Variants in FAM193A observed in about 807,000 individuals in gnomAD.
FAM193A encodes the protein protein FAM193A.
In FAM193A, 22 loss-of-function variants were observed where a neutral mutation model predicts 126.5. The observed-to-expected ratio is 0.17, with a 90% CI of 0.12 to 0.25. FAM193A has a LOEUF of 0.25. FAM193A is among the 10% of genes least tolerant of loss of function. The pLI is 1.00. For missense variants in FAM193A, 1,675 were observed against 1,672.8 expected, an observed-to-expected ratio of 1.00 and a Z score of -0.02; for synonymous variants, 761 against 646.8, an observed-to-expected ratio of 1.18 and a Z score of -2.68.
chr4:2,569,326 T>G (rs1157813591), intron 1 of FAM193A, among the ~76,000 whole-genome samples: 1 of 152,120 alleles, frequency 6.6e-6, no homozygotes, highest in African/African-American at 2.4e-5. Context: ...GAAAGTGTCA[T>G]GGAAACTCTG....
intron 6 of FAM193A, 113 bp from the exon 7 acceptor site, chr4:2,646,572 A>G: frequency 8.6e-7 from 1 of 1,156,756 alleles, no homozygotes; most frequent in Non-Finnish European, 1.2e-6. Flanking sequence ...CCTGTTTTCC[A>G]CGTTGGGAGG....
At chr4:2,563,546 A>C (rs532720697) in intron 1 of FAM193A, among the ~76,000 whole-genome samples, 170 of 151,968 alleles carry the variant, frequency 1.1e-3, no homozygotes, top group African/African-American at 4.0e-3. Context: ...AAAAAAAAAA[A>C]CCTCCCAAAA....
At position 2,578,996 on chromosome 4, in the gene FAM193A, C is replaced by T. The variant is rs1020476560; in HGVS notation, c.256-17088C>T. 1.1e-4 allele frequency among the ~76,000 whole-genome samples: 17 copies of T among 151,886 alleles called. No homozygotes were observed. The East Asian group carries it at 2.6e-3, about 23-fold the overall frequency. On this transcript the variant is annotated intron_variant, in intron 1 of 20. Coordinates refer to ENST00000637812, the MANE Select transcript of FAM193A (RefSeq NM_001366318.2). ...CTTTATTTTTGTTGAGGCAGGGTCT[C>T]GCTCTGTCACCCAGGCTGGAATGCA...
intron 6 of FAM193A, 75 bp downstream of exon 6, chr4:2,639,934 C>G (rs1744454293): frequency 7.2e-7 from 1 of 1,391,018 alleles, no homozygotes; most frequent in Non-Finnish European, 9.8e-7. Context: ...GTGCGTGTAC[C>G]CGAGTACCAC....
intron 1 of FAM193A, among the ~76,000 whole-genome samples, chr4:2,584,009 T>A (rs1740093639): frequency 6.6e-6 from 1 of 152,192 alleles, no homozygotes; most frequent in Non-Finnish European, 1.5e-5. Flanking sequence ...TTAGTGCTTT[T>A]GGGGTCTCAA....
At chr4:2,628,702 G>A (rs958895596) in intron 4 of FAM193A, among the ~76,000 whole-genome samples, 5 of 152,130 alleles carry the variant, frequency 3.3e-5, no homozygotes, top group South Asian at 2.1e-4. Context: ...TAACCTTCAC[G>A]TCAAACCCAT....
intron 2 of FAM193A, among the ~76,000 whole-genome samples, chr4:2,622,167 C>T (rs1560488298): frequency 7.1e-6 from 1 of 140,716 alleles, no homozygotes; most frequent in South Asian, 2.2e-4. Flanking sequence ...TGAGGTGAGA[C>T]GATTGCTTGA....
chr4:2,659,606 A>G lies in FAM193A; in HGVS notation c.1438A>G (p.Met480Val), dbSNP rs368492581. ...VTGENNFTDTMRHMLSSRLSM... is the reference protein window; with the variant it reads ...VTGENNFTDTVRHMLSSRLSM... ...TGGCGAGAACAACTTCACAGACACC[A>G]TGAGGCACATGTTATCGTCCCGGCT... The change falls in exon 9 of 21, where the codon ATG becomes GTG. Residue 480 changes from methionine (M) to valine (V), a missense_variant. Met to Val is a conservative substitution (Grantham distance 21, BLOSUM62 1). Around this residue, in one of 4 missense-constraint regions of FAM193A, gnomAD observed 1,186 missense variants for 1,109.2 expected, o/e 1.07. Coordinates refer to ENST00000637812, the MANE Select transcript of FAM193A (RefSeq NM_001366318.2). The G allele has an allele frequency of 1.2e-6, 2 of 1,614,208 alleles. No individual in the cohort carries two copies. Among genetic ancestry groups the G allele is most frequent in the East Asian group, 2.2e-5 (1 of 44,888 alleles).
chr4:2,652,865 AAG>A (rs1745808365), intron 7 of FAM193A, among the ~76,000 whole-genome samples: 1 of 152,210 alleles, frequency 6.6e-6, no homozygotes, highest in Admixed American at 6.5e-5. Flanking sequence ...AAAAAGATGA[AAG>A]AGAAGGAAGA....
intron 12 of FAM193A, among the ~76,000 whole-genome samples, chr4:2,668,798 T>C (rs1000907631): frequency 6.6e-6 from 1 of 150,868 alleles, no homozygotes; most frequent in Non-Finnish European, 1.5e-5. Flanking sequence ...CTCTCTCTCT[T>C]TCTCTCTCTC....
intron 19 of FAM193A, among the ~76,000 whole-genome samples, chr4:2,705,322 G>A (rs1277138687): frequency 6.6e-6 from 1 of 152,182 alleles, no homozygotes; most frequent in Non-Finnish European, 1.5e-5. Context: ...TTTCAGTCAG[G>A]TGGAAATGTT....
intron 8 of FAM193A, among the ~76,000 whole-genome samples, chr4:2,659,147 G>T (rs1712083384): frequency 6.6e-6 from 1 of 152,148 alleles, no homozygotes; most frequent in South Asian, 2.1e-4. Flanking sequence ...TGCTCACCTT[G>T]TCTGTTAGAA....
At chr4:2,730,729 C>CA (rs1157247387) in intron 20 of FAM193A, among the ~76,000 whole-genome samples, 2 of 150,834 alleles carry the variant, frequency 1.3e-5, no homozygotes, top group Non-Finnish European at 3.0e-5. Context: ...GAAGAAGCTA[C>CA]AAAAAATACA....
At chr4:2,705,015 C>T (rs1184756997) in intron 19 of FAM193A, among the ~76,000 whole-genome samples, 1 of 152,116 alleles carries the variant, frequency 6.6e-6, no homozygotes. Flanking sequence ...GGGGTCACGC[C>T]ATTCTCCTGC....
intron 2 of FAM193A, among the ~76,000 whole-genome samples, chr4:2,601,333 A>G (rs1395104225): frequency 6.7e-6 from 1 of 149,782 alleles, no homozygotes; most frequent in Non-Finnish European, 1.5e-5. Context: ...CCCGGGTTCA[A>G]GCGATTCTGG....
chr4:2,659,478 C>T (rs1712133436), intron 8 of FAM193A, 80 bp from the exon 9 acceptor site: 3 of 965,602 alleles, frequency 3.1e-6, no homozygotes, highest in African/African-American at 3.2e-5. Context: ...TGATACATGT[C>T]AGCAGAATTA....
chr4:2,700,531 C>T lies in FAM193A; in HGVS notation c.4359C>T (p.Val1453=). 1 of 1,610,454 alleles carries T rather than the reference C, an allele frequency of 6.2e-7. No individual in the cohort carries two copies. Among genetic ancestry groups the T allele is most frequent in the East Asian group, 2.2e-5 (1 of 44,870 alleles). The change falls in exon 19 of 21, where the codon GTC becomes GTT. Residue 1453 remains valine (V), a synonymous_variant. Coordinates refer to ENST00000637812, the MANE Select transcript of FAM193A (RefSeq NM_001366318.2). ...KKNKKKKGDR[V]NNSIDDVFLP... Reference sequence around the variant, plus strand: ...ATAAGAAGAAGAAAGGAGACAGAGTCAACAATTCAATTGGTAAATACAGAA... The same window carrying T: ...ATAAGAAGAAGAAAGGAGACAGAGTTAACAATTCAATTGGTAAATACAGAA...
chr4:2,607,063 A>G (rs1741589973), intron 2 of FAM193A, among the ~76,000 whole-genome samples: 1 of 152,228 alleles, frequency 6.6e-6, no homozygotes, highest in South Asian at 2.1e-4. Context: ...AGGGCCATTC[A>G]TCTCACAATG....
chr4:2,671,945 A>G (rs1713847086), intron 12 of FAM193A, among the ~76,000 whole-genome samples, 176 bp from the exon 13 acceptor site: 1 of 152,196 alleles, frequency 6.6e-6, no homozygotes, highest in African/African-American at 2.4e-5. Context: ...CTTCAGTCTC[A>G]GTCTCTTGGG....
Sources: allele counts gnomAD v4.1 joint callset (sites outside exome capture counted in the v4.1 genomes callset), GRCh38; gene constraint gnomAD v4.1.1; regional missense constraint gnomAD v4.1.1; transcripts MANE v1.5; gene names NCBI Gene and HGNC (gene_info 2026-07-23, HGNC 2026-07-21).